The following EFR3B variants were observed in gnomAD, a reference collection of about 807,000 sequenced individuals.
EFR3B encodes EFR3 homolog B.
In EFR3B, 64 loss-of-function variants were observed where a neutral mutation model predicts 104.7. That is an observed-to-expected ratio of 0.61 (90% CI 0.50 to 0.75). EFR3B has a LOEUF of 0.75. EFR3B is among the 30% of genes least tolerant of loss of function. The pLI, the probability that EFR3B is intolerant of heterozygous loss-of-function variation, is 0.00. For synonymous variants in EFR3B, 385 were observed against 417.9 expected (o/e 0.92, Z 0.96); for missense variants, 750 against 1,078.5 (o/e 0.70, Z 4.27).
intron 3 of EFR3B, among the ~76,000 whole-genome samples, chr2:25,103,231 G>C (rs940825572): frequency 5.3e-5 from 8 of 152,210 alleles, no homozygotes; most frequent in Non-Finnish European, 1.2e-4. Flanking sequence ...CTAGGACAGA[G>C]CCTTTCCACA....
chr2:25,132,878 G>T, intron 10 of EFR3B, 25 bp from the exon 11 acceptor site: 5 of 1,543,828 alleles, frequency 3.2e-6, no homozygotes, highest in Non-Finnish European at 4.4e-6. Flanking sequence ...GCCTCACTGG[G>T]CACCCTCTCC....
At chr2:25,055,491 G>A (rs1040636401) in intron 1 of EFR3B, among the ~76,000 whole-genome samples, 2 of 152,088 alleles carry the variant, frequency 1.3e-5, no homozygotes, top group Non-Finnish European at 2.9e-5. Flanking sequence ...TCTTATTACC[G>A]TGCAGAAGGA....
intron 4 of EFR3B, among the ~76,000 whole-genome samples, chr2:25,119,037 CTG>C (rs1412423774): frequency 6.6e-6 from 1 of 152,152 alleles, no homozygotes; most frequent in African/African-American, 2.4e-5. Flanking sequence ...GGGACAAAGT[CTG>C]TGTTTGTTTC....
At chr2:25,107,809 CTTT>C (rs34350239) in intron 4 of EFR3B, among the ~76,000 whole-genome samples, 1 of 142,802 alleles carries the variant, frequency 7.0e-6, no homozygotes, top group African/African-American at 2.6e-5. Flanking sequence ...TTTAAGTGAG[CTTT>C]TTTTTTTTTT....
At chr2:25,138,574 T>C (rs1670581608) in intron 15 of EFR3B, among the ~76,000 whole-genome samples, 2 of 152,336 alleles carry the variant, frequency 1.3e-5, no homozygotes, top group South Asian at 4.1e-4. Flanking sequence ...CTAGATGCTA[T>C]AATTTTTAAA....
chr2:25,140,299 T>A (rs150886292), intron 16 of EFR3B, among the ~76,000 whole-genome samples: 3 of 78,124 alleles, frequency 3.8e-5, no homozygotes, highest in Admixed American at 2.7e-4. Context: ...AGAGCAAGAC[T>A]CTGTCTCAAA....
At chr2:25,082,684 C>G (rs1668841948) in intron 1 of EFR3B, among the ~76,000 whole-genome samples, 1 of 152,222 alleles carries the variant, frequency 6.6e-6, no homozygotes, top group African/African-American at 2.4e-5. Context: ...GCACCCCCTG[C>G]CACCACCACC....
At chr2:25,145,503 G>T (rs1377715959) in intron 19 of EFR3B, 4 of 185,992 alleles carry the variant, frequency 2.2e-5, no homozygotes, top group South Asian at 1.8e-4. Flanking sequence ...GAGCCTGGGA[G>T]GTCAAGGCTG....
At position 25,042,132 on chromosome 2, in the gene EFR3B, T is replaced by A; in HGVS notation, c.-181T>A. On this transcript the variant is annotated 5_prime_UTR_variant, in exon 1 of 23. Coordinates refer to ENST00000403714, the MANE Select transcript of EFR3B (RefSeq NM_014971.2). The surrounding 1 kb of genome is among the most constrained non-coding windows in gnomAD (Gnocchi z 5.4). ...CGCTGCAGCCCGGCGCTGAATGGGC[T>A]GGCGGCGCCCGGCTCCGTCCTGCCC... is the stretch of plus-strand genomic sequence containing the variant. 1 of 453,568 alleles carries A rather than the reference T, an allele frequency of 2.2e-6. No individual in the cohort carries two copies. Among genetic ancestry groups the A allele is most frequent in the Non-Finnish European group, 3.4e-6 (1 of 298,480 alleles). The allele number at this position is 453,568 out of a possible 1,614,324, so 28.1% of individuals were successfully genotyped here.
At chr2:25,062,539 CG>C in intron 1 of EFR3B, among the ~76,000 whole-genome samples, 1 of 152,330 alleles carries the variant, frequency 6.6e-6, no homozygotes, top group East Asian at 1.9e-4. Context: ...TACTAGGAGA[CG>C]GACGGTCAAG....
intron 15 of EFR3B, among the ~76,000 whole-genome samples, chr2:25,138,726 G>A (rs1273035885): frequency 6.6e-6 from 1 of 152,196 alleles, no homozygotes; most frequent in Non-Finnish European, 1.5e-5. Flanking sequence ...TAGTGAAGGA[G>A]ACAGCACCCT....
At chr2:25,045,643 G>A (rs1455114889) in intron 1 of EFR3B, among the ~76,000 whole-genome samples, 5 of 152,064 alleles carry the variant, frequency 3.3e-5, no homozygotes, top group Admixed American at 6.6e-5. Context: ...TTAGCCGGGC[G>A]TGGTGGCAGG....
At chr2:25,059,337 G>A (rs893233921) in intron 1 of EFR3B, among the ~76,000 whole-genome samples, 1 of 152,010 alleles carries the variant, frequency 6.6e-6, no homozygotes, top group Non-Finnish European at 1.5e-5. Context: ...ACCTGCCTGG[G>A]TTTCCCAAAG....
In EFR3B at chr2:25,130,535, C is replaced by T. The variant is rs192671918; in HGVS notation, c.771-17C>T. The T allele has an allele frequency of 8.7e-5, 134 of 1,548,538 alleles. No individual in the cohort carries two copies. Among genetic ancestry groups the T allele is most frequent in the East Asian group, 2.2e-4 (9 of 40,902 alleles). On this transcript the variant is annotated splice_polypyrimidine_tract_variant and intron_variant, in intron 7 of 22. Transcript: ENST00000403714. This position sits in a 1 kb window ranked among gnomAD's most constrained non-coding sequence, Gnocchi z 4.6. Reference sequence around the variant, plus strand: ...CGGGAGTTTCATAGTTGTTCCCCCACGTTTTCTCCCTCACAGCCATCTGGA... The same window carrying T: ...CGGGAGTTTCATAGTTGTTCCCCCATGTTTTCTCCCTCACAGCCATCTGGA...
At position 25,154,062 on chromosome 2, in the gene EFR3B, C is replaced by G. The variant is rs1360508261; in HGVS notation, c.2349-173C>G. 6.6e-6 allele frequency among the ~76,000 whole-genome samples: 1 copy of G among 152,218 alleles called. No individual in the cohort carries two copies. Among genetic ancestry groups the G allele is most frequent in the East Asian group, 1.9e-4 (1 of 5,196 alleles). On this transcript the variant is annotated intron_variant, in intron 22 of 22. Coordinates refer to ENST00000403714, the MANE Select transcript of EFR3B (RefSeq NM_014971.2). This position sits in a 1 kb window ranked among gnomAD's most constrained non-coding sequence, Gnocchi z 4.1. ...CTGCGGAGCCTGCAGGGAAGCTTGA[C>G]TCCAAGCTGTAGATTCTAGTAGAAC...
intron 18 of EFR3B, 63 bp from the exon 19 acceptor site, chr2:25,144,897 A>G: frequency 7.0e-7 from 1 of 1,427,670 alleles, no homozygotes; most frequent in Non-Finnish European, 9.6e-7. Context: ...AGGTGGGACT[A>G]GCAGCTCAGT....
At chr2:25,145,805 C>G (rs1670796424) in intron 19 of EFR3B, 1 of 152,028 alleles carries the variant, frequency 6.6e-6, no homozygotes, top group African/African-American at 2.4e-5. Context: ...CCCTTTGCCC[C>G]CTCCCCTCCC....
At chr2:25,060,241 T>TA (rs1310281511) in intron 1 of EFR3B, among the ~76,000 whole-genome samples, 2 of 152,164 alleles carry the variant, frequency 1.3e-5, no homozygotes, top group Admixed American at 1.3e-4. Flanking sequence ...ATTATATATA[T>TA]TTTACCATAA....
intron 1 of EFR3B, among the ~76,000 whole-genome samples, chr2:25,064,892 C>A (rs1394509511): frequency 6.6e-6 from 1 of 152,106 alleles, no homozygotes; most frequent in Admixed American, 6.5e-5. Flanking sequence ...TTATAAAATA[C>A]CAACAATAAA....
Sources: allele counts gnomAD v4.1 joint callset (sites outside exome capture counted in the v4.1 genomes callset), GRCh38; gene constraint gnomAD v4.1.1; non-coding constraint Gnocchi (gnomAD v3.1); transcripts MANE v1.5; gene names NCBI Gene and HGNC (gene_info 2026-07-23, HGNC 2026-07-21).